The following TMPRSS15 variants were observed in gnomAD, a reference collection of about 807,000 sequenced individuals.
The protein encoded by TMPRSS15 is enteropeptidase.
Under a neutral mutation model 125.3 loss-of-function variants are expected in TMPRSS15, and 128 were observed. The ratio of observed to expected loss-of-function variants is 1.02; its 90% confidence interval spans 0.89 to 1.18. TMPRSS15 has a LOEUF of 1.18. TMPRSS15 is among the 50% of genes most tolerant of loss of function. The probability of loss-of-function intolerance (pLI) is 0.00; values close to 1 mark genes in which losing one functional copy is unlikely to be tolerated. For synonymous variants in TMPRSS15, 446 were observed against 423.2 expected, an observed-to-expected ratio of 1.05 and a Z score of -0.66; for missense variants, 1,283 against 1,212.7, an observed-to-expected ratio of 1.06 and a Z score of -0.86.
intron 1 of TMPRSS15, among the ~76,000 whole-genome samples, chr21:18,425,401 ATTG>A (rs895304410): frequency 3.3e-5 from 5 of 152,252 alleles, no homozygotes; most frequent in East Asian, 3.9e-4. Context: ...AGAATTTTTA[ATTG>A]TTAAGTAATA....
chr21:18,298,510 C>T (rs1157401013), intron 18 of TMPRSS15, among the ~76,000 whole-genome samples: 2 of 152,202 alleles, frequency 1.3e-5, no homozygotes, highest in Non-Finnish European at 2.9e-5. Flanking sequence ...CCCAGGCTTT[C>T]TTTTCCCTGA....
At chr21:18,480,098 G>T (rs186545727) in intron 1 of TMPRSS15, among the ~76,000 whole-genome samples, 370 of 151,964 alleles carry the variant, frequency 2.4e-3, no homozygotes, top group African/African-American at 8.3e-3. Context: ...GGGACATGGA[G>T]GAAGCTAGAA....
chr21:18,460,838 C>A (rs554164602), intron 1 of TMPRSS15: 1 of 152,176 alleles, frequency 6.6e-6, no homozygotes, highest in Admixed American at 6.5e-5. Context: ...CCATGATAAT[C>A]TTTGACCACA....
chr21:18,416,948 G>A (rs1042628396), intron 1 of TMPRSS15, among the ~76,000 whole-genome samples: 1 of 152,008 alleles, frequency 6.6e-6, no homozygotes, highest in African/African-American at 2.4e-5. Flanking sequence ...GGCAGTCAAC[G>A]TCAACTGTCT....
chr21:18,442,255 C>G (rs2076243930), intron 1 of TMPRSS15, among the ~76,000 whole-genome samples: 1 of 152,050 alleles, frequency 6.6e-6, no homozygotes, highest in Admixed American at 6.6e-5. Flanking sequence ...ATGGCTGTTT[C>G]CTAAGAACGA....
intron 1 of TMPRSS15, among the ~76,000 whole-genome samples, chr21:18,484,823 C>T (rs1229807530): frequency 6.6e-6 from 1 of 151,798 alleles, no homozygotes; most frequent in African/African-American, 2.4e-5. Flanking sequence ...TTAATTACTA[C>T]AGGTTTATCC....
At chr21:18,456,554 C>T (rs971053678) in intron 1 of TMPRSS15, among the ~76,000 whole-genome samples, 1 of 151,936 alleles carries the variant, frequency 6.6e-6, no homozygotes, top group Admixed American at 6.6e-5. Flanking sequence ...TTCCTAAATT[C>T]CAGTAAGATA....
chr21:18,469,186 T>C (rs1043512747), intron 1 of TMPRSS15, among the ~76,000 whole-genome samples: 1 of 152,146 alleles, frequency 6.6e-6, no homozygotes, highest in African/African-American at 2.4e-5. Context: ...AGGGCATGTA[T>C]ATTATAGAAT....
chr21:18,449,195 T>C (rs1260307679), intron 1 of TMPRSS15, among the ~76,000 whole-genome samples: 3 of 152,144 alleles, frequency 2.0e-5, no homozygotes, highest in Admixed American at 2.0e-4. Flanking sequence ...CTTTTGAAAA[T>C]GTAGCATTAT....
chr21:18,299,708 G>A (rs1250577180), intron 18 of TMPRSS15, among the ~76,000 whole-genome samples: 3 of 152,074 alleles, frequency 2.0e-5, no homozygotes, highest in African/African-American at 7.2e-5. Flanking sequence ...AGTTTTCCAC[G>A]TTCTTGACTC....
chr21:18,280,575 C>CAAAAAAAAAAAAAAAAA (rs1230513414), intron 22 of TMPRSS15, among the ~76,000 whole-genome samples: 32 of 48,340 alleles, frequency 6.6e-4, no homozygotes, highest in African/African-American at 1.7e-3. Context: ...GACTCCGTCT[C>CAAAAAAAAAAAAAAAAA]AAAAAAAAAA....
At chr21:18,338,708 GAGAC>G (rs1477799275) in intron 13 of TMPRSS15, among the ~76,000 whole-genome samples, 3 of 137,914 alleles carry the variant, frequency 2.2e-5, no homozygotes, top group East Asian at 2.1e-4. Flanking sequence ...GAGAGAGACA[GAGAC>G]AGACAGAGAG....
intron 1 of TMPRSS15, among the ~76,000 whole-genome samples, chr21:18,462,001 T>C (rs2122952912): frequency 6.6e-6 from 1 of 152,294 alleles, no homozygotes; most frequent in South Asian, 2.1e-4. Flanking sequence ...TTTATTGTAT[T>C]CTTCACGTGA....
At chr21:18,294,113 C>T (rs2074871311) in intron 21 of TMPRSS15, among the ~76,000 whole-genome samples, 157 bp downstream of exon 21, 1 of 152,186 alleles carries the variant, frequency 6.6e-6, no homozygotes, top group Non-Finnish European at 1.5e-5. Flanking sequence ...TATTTTCATA[C>T]ATGACATTAA....
chr21:18,374,709 G>A (rs927768740), intron 5 of TMPRSS15, among the ~76,000 whole-genome samples: 1 of 152,118 alleles, frequency 6.6e-6, no homozygotes, highest in Admixed American at 6.5e-5. Flanking sequence ...GTTTCATAAA[G>A]GCAATTGTTG....
chr21:18,440,348 G>A (rs542778045), intron 1 of TMPRSS15, among the ~76,000 whole-genome samples: 1 of 111,184 alleles, frequency 9.0e-6, no homozygotes, highest in African/African-American at 3.5e-5. Flanking sequence ...ACTCCAGCCT[G>A]GGCGACAGAG....
intron 23 of TMPRSS15, among the ~76,000 whole-genome samples, chr21:18,275,603 T>C (rs1436242068): frequency 6.6e-6 from 1 of 152,212 alleles, no homozygotes; most frequent in Non-Finnish European, 1.5e-5. Flanking sequence ...TCTTTGGGCA[T>C]CTTCTGTGAT....
chr21:18,425,043 A>G (rs1468012304), intron 1 of TMPRSS15, among the ~76,000 whole-genome samples: 1 of 151,510 alleles, frequency 6.6e-6, no homozygotes, highest in Non-Finnish European at 1.5e-5. Flanking sequence ...TCAAGATGCC[A>G]GAGACATTAA....
chr21:18,467,700 T>C (rs1239349770), intron 1 of TMPRSS15, among the ~76,000 whole-genome samples: 1 of 152,082 alleles, frequency 6.6e-6, no homozygotes, highest in Non-Finnish European at 1.5e-5. Context: ...AAATTGTGTG[T>C]CTGTGTAAAG....
Sources: gnomAD v4.1 joint callset for allele counts (sites outside exome capture counted in the v4.1 genomes callset) on GRCh38, gnomAD v4.1.1 for gene constraint, MANE v1.5 for transcripts, NCBI Gene and HGNC (gene_info 2026-07-23, HGNC 2026-07-21) for gene names.